The following SAMSN1 variants were observed in gnomAD, a reference collection of about 807,000 sequenced individuals.
SAMSN1 encodes SAM domain, SH3 domain and nuclear localization signals 1, also known as SAM domain-containing protein SAMSN-1.
A neutral mutation model predicts 42.0 loss-of-function variants in SAMSN1; 31 were observed. That is an observed-to-expected ratio of 0.74 (90% CI 0.55 to 1.00). The LOEUF (loss-of-function observed/expected upper bound fraction) is 1.00. SAMSN1 is among the 50% of genes least tolerant of loss of function. SAMSN1 has a pLI of 0.00. For synonymous variants in SAMSN1, 178 were observed against 151.9 expected, an observed-to-expected ratio of 1.17 and a Z score of -1.26; for missense variants, 464 against 439.4, an observed-to-expected ratio of 1.06 and a Z score of -0.50.
chr21:14,645,154 G>T (rs181496934), intron 1 of SAMSN1, among the ~76,000 whole-genome samples: 2 of 152,188 alleles, frequency 1.3e-5, no homozygotes, highest in Non-Finnish European at 2.9e-5. Context: ...GAGCCTGAGC[G>T]CTTTGAGTGA....
chr21:14,530,316 CAAAAA>C (rs71183428), intron 1 of SAMSN1, among the ~76,000 whole-genome samples: 2 of 75,762 alleles, frequency 2.6e-5, no homozygotes, highest in Admixed American at 1.5e-4. Context: ...GACTCCGTCT[CAAAAA>C]AAAAAAAAAA....
At chr21:14,511,436 A>G (rs1987684452) in intron 4 of SAMSN1, among the ~76,000 whole-genome samples, 1 of 152,220 alleles carries the variant, frequency 6.6e-6, no homozygotes. Flanking sequence ...TCCAGGAGAA[A>G]TTAATACTAA....
intron 6 of SAMSN1, among the ~76,000 whole-genome samples, chr21:14,499,483 C>T (rs1987046261): frequency 1.7e-5 from 1 of 59,214 alleles, no homozygotes; most frequent in African/African-American, 7.4e-5. Flanking sequence ...ATGACCACCC[C>T]TTTTTAACAA....
intron 2 of SAMSN1, among the ~76,000 whole-genome samples, chr21:14,569,518 T>G (rs1981225664): frequency 1.3e-5 from 2 of 152,116 alleles, no homozygotes; most frequent in Admixed American, 1.3e-4. Flanking sequence ...TTGATAGATT[T>G]TTTTCCCAGA....
intron 1 of SAMSN1, among the ~76,000 whole-genome samples, chr21:14,545,291 A>G (rs1045275081): frequency 3.3e-5 from 5 of 152,124 alleles, no homozygotes; most frequent in Non-Finnish European, 5.9e-5. Context: ...AAATAAACCA[A>G]TCTCTTTCTC....
At chr21:14,647,894 A>T (rs78130240) in intron 1 of SAMSN1, among the ~76,000 whole-genome samples, 1 of 151,514 alleles carries the variant, frequency 6.6e-6, no homozygotes, top group African/African-American at 2.4e-5. Context: ...GGGCTGAGAC[A>T]ATGGAGTTTT....
chr21:14,641,372 A>G (rs1247410106), intron 2 of SAMSN1, among the ~76,000 whole-genome samples: 1 of 152,192 alleles, frequency 6.6e-6, no homozygotes, highest in Non-Finnish European at 1.5e-5. Context: ...GAAAGCTATG[A>G]TAATAAGCCA....
At chr21:14,487,342 AT>A (rs1491375603) in intron 7 of SAMSN1, among the ~76,000 whole-genome samples, 1 of 129,872 alleles carries the variant, frequency 7.7e-6, no homozygotes. Flanking sequence ...TATCTTATTT[AT>A]TTTTTATATA....
rs188486093 is a variant in SAMSN1 at position 14,562,601 on chromosome 21, A to C, written c.261+19535T>G. ...CTCTTAAAATGATTTTGATATTGAT[A>C]TTTTTATGATTAAAAAATTCAGTTG... On this transcript the variant is annotated intron_variant, in intron 2 of 8. Transcript: ENST00000285670. 4.1e-3 allele frequency among the ~76,000 whole-genome samples: 623 copies of C among 151,408 alleles called. 7 individuals are homozygous for C. The highest frequency in any genetic ancestry group is 0.014 in the Middle Eastern group (4 of 286).
intron 5 of SAMSN1, among the ~76,000 whole-genome samples, chr21:14,604,151 T>A (rs1250434155): frequency 6.6e-6 from 1 of 152,150 alleles, no homozygotes; most frequent in Non-Finnish European, 1.5e-5. Context: ...AATATTACTC[T>A]CCAAAAATGT....
chr21:14,624,269 C>G, intron 2 of SAMSN1, among the ~76,000 whole-genome samples: 1 of 152,234 alleles, frequency 6.6e-6, no homozygotes, highest in East Asian at 1.9e-4. Flanking sequence ...CAAGAAATAA[C>G]TAAGATCAGA....
intron 2 of SAMSN1, among the ~76,000 whole-genome samples, chr21:14,635,555 G>A (rs1383730402): frequency 6.6e-6 from 1 of 152,106 alleles, no homozygotes; most frequent in Non-Finnish European, 1.5e-5. Context: ...AAATCCTGTT[G>A]CTTCTTCTTG....
At chr21:14,535,728 T>C (rs1002964481) in intron 1 of SAMSN1, among the ~76,000 whole-genome samples, 2 of 152,222 alleles carry the variant, frequency 1.3e-5, no homozygotes, top group Admixed American at 1.3e-4. Flanking sequence ...CAGACACAGA[T>C]GAAGAGGCAA....
rs375632704 is a variant in SAMSN1 at position 14,582,232 on chromosome 21, T to C, written c.165A>G (p.Gln55=). The change falls in exon 2 of 9, where the codon CAA becomes CAG. Residue 55 remains glutamine, a synonymous_variant. Coordinates refer to the SAMSN1 transcript ENST00000285670. ...GGTCCCAGGGTCCAACTTGTGCTAT[T>C]TGGAAATCAAGACATGTCCAGAGAG... 3,342 of 1,550,892 alleles carry C rather than the reference T, an allele frequency of 2.2e-3. 6 individuals carry two copies. Among genetic ancestry groups the C allele is most frequent in the Admixed American group, 5.5e-3 (282 of 51,002 alleles).
At chr21:14,572,576 C>G (rs1167074168) in intron 2 of SAMSN1, among the ~76,000 whole-genome samples, 1 of 152,196 alleles carries the variant, frequency 6.6e-6, no homozygotes, top group Non-Finnish European at 1.5e-5. Flanking sequence ...AGGTAATTCA[C>G]TTAATCTTCA....
At chr21:14,625,601 G>A (rs1234145968) in intron 2 of SAMSN1, among the ~76,000 whole-genome samples, 1 of 152,100 alleles carries the variant, frequency 6.6e-6, no homozygotes, top group Non-Finnish European at 1.5e-5. Context: ...AAGGAGAACT[G>A]CAAACCACTG....
At chr21:14,569,981 CT>C (rs541213949) in intron 2 of SAMSN1, among the ~76,000 whole-genome samples, 3,300 of 131,194 alleles carry the variant, frequency 0.025, 46 homozygotes, top group South Asian at 0.041. Flanking sequence ...TCTTTAACCA[CT>C]TTCCCCCCCC....
intron 2 of SAMSN1, among the ~76,000 whole-genome samples, chr21:14,632,366 A>G (rs1983353390): frequency 6.6e-6 from 1 of 152,140 alleles, no homozygotes; most frequent in South Asian, 2.1e-4. Flanking sequence ...TATATCTGCA[A>G]ATAACCCTGA....
At chr21:14,587,726 T>G (rs965798798), upstream of SAMSN1, among the ~76,000 whole-genome samples, 25 of 151,348 alleles carry the variant, frequency 1.7e-4, no homozygotes, top group Non-Finnish European at 3.2e-4. Flanking sequence ...ACAATTTTTT[T>G]GTTGTTTTAT....
Sources: gnomAD v4.1 joint callset for allele counts (sites outside exome capture counted in the v4.1 genomes callset) on GRCh38, gnomAD v4.1.1 for gene constraint, MANE v1.5 for transcripts, NCBI Gene and HGNC (gene_info 2026-07-23, HGNC 2026-07-21) for gene names.